The following AKR1C4 variants were observed in gnomAD, a reference collection of about 807,000 sequenced individuals.
AKR1C4 encodes aldo-keto reductase family 1 member C4.
Under a neutral mutation model 41.0 loss-of-function variants are expected in AKR1C4, and 44 were observed. The observed-to-expected ratio is 1.07, with a 90% CI of 0.84 to 1.38. The LOEUF (loss-of-function observed/expected upper bound fraction) is 1.38, where lower values mean the gene tolerates loss of function less well. Ranked by LOEUF, AKR1C4 falls within the 40% of genes most tolerant of loss-of-function variation. The pLI, the probability that AKR1C4 is intolerant of heterozygous loss-of-function variation, is 0.00. For missense variants in AKR1C4, 438 were observed against 387.9 expected, an observed-to-expected ratio of 1.13 and a Z score of -1.09; for synonymous variants, 165 against 137.7, an observed-to-expected ratio of 1.20 and a Z score of -1.39.
chr10:5,208,327 GT>G (rs1554797653), intron 5 of AKR1C4, among the ~76,000 whole-genome samples: 2 of 151,394 alleles, frequency 1.3e-5, no homozygotes, highest in Non-Finnish European at 2.9e-5. Context: ...TATGTATTTG[GT>G]AATATAATAC....
At chr10:5,217,107 C>T (rs1468244375) in intron 8 of AKR1C4, among the ~76,000 whole-genome samples, 5 of 152,254 alleles carry the variant, frequency 3.3e-5, no homozygotes, top group African/African-American at 1.2e-4. Context: ...GCCTAGTGGA[C>T]AGTAGATATT....
In AKR1C4 at chr10:5,212,718, A is replaced by G. The variant is rs782036791; in HGVS notation, c.673A>G (p.Lys225Glu). ...CAGTGCTCTGGGAACCCAACGACAT[A>G]AACTATGGTAATAAGAGCATCAGGA... ...AHSALGTQRH[K>E]LWVDPNSPVL... Residue 225 changes from lysine (K) to glutamate (E), a missense_variant, in exon 6 of 9, where the codon AAA (lysine) becomes GAA (glutamate). Coordinates refer to ENST00000263126, the MANE Select transcript of AKR1C4 (RefSeq NM_001818.5). 5 of 1,610,052 alleles carry G rather than the reference A, an allele frequency of 3.1e-6. No homozygotes were observed. In the Admixed American group the frequency reaches 6.8e-5, roughly 22 times the overall value.
chr10:5,213,660 T>C (rs1412925441), intron 7 of AKR1C4, among the ~76,000 whole-genome samples: 1 of 152,210 alleles, frequency 6.6e-6, no homozygotes, highest in Non-Finnish European at 1.5e-5. Context: ...CCTCTCAACA[T>C]AGAGGTTTAA....
At chr10:5,217,561 A>C (rs1832673582) in intron 8 of AKR1C4, among the ~76,000 whole-genome samples, 1 of 152,244 alleles carries the variant, frequency 6.6e-6, no homozygotes, top group Non-Finnish European at 1.5e-5. Flanking sequence ...GAAGTTTCAG[A>C]CCAGCCTGGC....
intron 5 of AKR1C4, chr10:5,207,544 C>T (rs1266615211): frequency 3.3e-6 from 2 of 605,192 alleles, no homozygotes; most frequent in Non-Finnish European, 2.9e-6. Flanking sequence ...TGTCCCTGTA[C>T]TTACAGGTGC....
intron 6 of AKR1C4, 109 bp from the exon 7 acceptor site, chr10:5,212,885 C>T: frequency 6.9e-7 from 1 of 1,459,748 alleles, no homozygotes; most frequent in Admixed American, 2.1e-5. Context: ...TGTTCAGGGA[C>T]CTCACTTGAG....
chr10:5,218,272 A>T (rs1444817908), intron 8 of AKR1C4, among the ~76,000 whole-genome samples: 1 of 151,616 alleles, frequency 6.6e-6, no homozygotes, highest in Non-Finnish European at 1.5e-5. Context: ...GTCAGTAATG[A>T]ATACATTCTT....
chr10:5,199,119 C>A (rs144734083), intron 1 of AKR1C4, among the ~76,000 whole-genome samples: 1 of 152,114 alleles, frequency 6.6e-6, no homozygotes, highest in Non-Finnish European at 1.5e-5. Context: ...AGTGATTAAC[C>A]AGTAACTGCC....
chr10:5,197,264 T>C (rs1276241980), intron 1 of AKR1C4, among the ~76,000 whole-genome samples: 1 of 152,248 alleles, frequency 6.6e-6, no homozygotes, highest in East Asian at 1.9e-4. Context: ...CAGTTCCCTT[T>C]CTAGGAGATG....
rs187754695 is a variant in AKR1C4 at position 5,202,663 on chromosome 10, C to T, written c.253-1714C>T. The stretch of plus-strand genomic sequence containing the variant: ...GATTTGTTATATATGCATTTTATGC[C>T]TAGTTTGTTGAGGGTTTTTATCATA... On this transcript the variant is annotated intron_variant, in intron 2 of 8. Coordinates refer to ENST00000263126, the MANE Select transcript of AKR1C4 (RefSeq NM_001818.5). Among the ~76,000 whole-genome samples the T allele has an allele frequency of 2.2e-4, 34 of 151,648 alleles. No homozygotes were observed. The East Asian group carries it at 5.2e-3, about 23-fold the overall frequency.
At chr10:5,218,653 T>A in intron 8 of AKR1C4, 65 bp from the exon 9 acceptor site, 1 of 1,297,580 alleles carries the variant, frequency 7.7e-7, no homozygotes, top group Non-Finnish European at 1.1e-6. Context: ...ATAAATTCAC[T>A]TTGCTACCAG....
Position 5,216,794 on chromosome 10 carries a change from G to A in AKR1C4, c.929+1G>A. Reference sequence around the variant, plus strand: ...ATTATCGATATGTTGTCATGGATTTGTAAGTAACTTTGGAAAATGGGTTTC... The same window carrying A: ...ATTATCGATATGTTGTCATGGATTTATAAGTAACTTTGGAAAATGGGTTTC... On this transcript the variant is annotated splice_donor_variant, in intron 8 of 8. Coordinates refer to ENST00000263126, the MANE Select transcript of AKR1C4 (RefSeq NM_001818.5). LOFTEE classifies it high-confidence loss of function. 6.2e-7 allele frequency: 1 copy of A among 1,601,918 alleles called. No individual in the cohort carries two copies. Among genetic ancestry groups the A allele is most frequent in the Non-Finnish European group, 8.5e-7 (1 of 1,171,310 alleles).
chr10:5,205,843 T>A lies in AKR1C4; in HGVS notation c.447+9T>A. ...TCTCTGCCACATGGGAGGTGAGTGC[T>A]TGGAGGACAGAGTACAGAAAAGGAA... On this transcript the variant is annotated intron_variant, in intron 4 of 8. Coordinates refer to ENST00000263126, the MANE Select transcript of AKR1C4 (RefSeq NM_001818.5). 6.2e-7 allele frequency: 1 copy of A among 1,610,854 alleles called. No homozygotes were observed. Among genetic ancestry groups the A allele is most frequent in the Non-Finnish European group, 8.5e-7 (1 of 1,178,066 alleles).
intron 8 of AKR1C4, among the ~76,000 whole-genome samples, chr10:5,218,072 G>A (rs1291376739): frequency 6.6e-6 from 1 of 152,090 alleles, no homozygotes; most frequent in Non-Finnish European, 1.5e-5. Context: ...AGGAAGAGTG[G>A]CAAACATCAG....
intron 1 of AKR1C4, among the ~76,000 whole-genome samples, chr10:5,199,539 G>A (rs1554796666): frequency 2.6e-5 from 4 of 152,092 alleles, no homozygotes. Context: ...GGTGGACTTT[G>A]AGAGGATCAC....
chr10:5,202,174 T>C (rs1268473861), intron 2 of AKR1C4, among the ~76,000 whole-genome samples: 10 of 152,194 alleles, frequency 6.6e-5, no homozygotes, highest in African/African-American at 2.4e-4. Flanking sequence ...GTGTTTCCAT[T>C]TGTTTATGTA....
At chr10:5,202,388 CGGA>C (rs1832413866) in intron 2 of AKR1C4, 1 of 415,462 alleles carries the variant, frequency 2.4e-6, no homozygotes, top group Non-Finnish European at 4.8e-6. Context: ...ATTTGTTTGT[CGGA>C]GGAGCTTTTT....
chr10:5,204,739 C>A, intron 3 of AKR1C4: 1 of 589,574 alleles, frequency 1.7e-6, no homozygotes, highest in Non-Finnish European at 3.2e-6. Flanking sequence ...CAACAGCCAC[C>A]TTCAAGGCTC....
chr10:5,212,590 T>C (rs966172587), intron 5 of AKR1C4, 26 bp from the exon 6 acceptor site: 7 of 1,578,944 alleles, frequency 4.4e-6, no homozygotes, highest in Non-Finnish European at 6.0e-6. Context: ...AATTATCTGA[T>C]GCTTTTCTCT....
Sources: allele counts gnomAD v4.1 joint callset (sites outside exome capture counted in the v4.1 genomes callset), GRCh38; gene constraint gnomAD v4.1.1; transcripts MANE v1.5; gene names NCBI Gene and HGNC (gene_info 2026-07-23, HGNC 2026-07-21).